Variants in GRIK1 observed in about 807,000 individuals in gnomAD.
GRIK1 encodes glutamate ionotropic receptor kainate type subunit 1, also known as glutamate receptor ionotropic, kainate 1.
In GRIK1, 69 loss-of-function variants were observed where a neutral mutation model predicts 105.7. The ratio of observed to expected loss-of-function variants is 0.65; its 90% CI spans 0.54 to 0.80. The LOEUF is 0.80. Ranked by LOEUF, GRIK1 falls within the 30% of genes least tolerant of loss-of-function variation. The pLI is 0.00. For missense variants in GRIK1, 1,109 were observed against 1,167.3 expected, an observed-to-expected ratio of 0.95 and a Z score of 0.73; for synonymous variants, 438 against 431.3, an observed-to-expected ratio of 1.02 and a Z score of -0.19.
At chr21:29,626,413 C>A (rs1601312241) in intron 7 of GRIK1, among the ~76,000 whole-genome samples, 1 of 152,082 alleles carries the variant, frequency 6.6e-6, no homozygotes, top group Non-Finnish European at 1.5e-5. Flanking sequence ...ACATTCAAAT[C>A]GTAACATCCA....
At chr21:29,606,855 C>T (rs762604727) in intron 7 of GRIK1, among the ~76,000 whole-genome samples, 14 of 152,050 alleles carry the variant, frequency 9.2e-5, no homozygotes, top group South Asian at 4.1e-4. Flanking sequence ...TGGCCAAGTC[C>T]GTCAGTCGAG....
chr21:29,826,870 A>G (rs1318255027), intron 1 of GRIK1, among the ~76,000 whole-genome samples: 1 of 152,120 alleles, frequency 6.6e-6, no homozygotes, highest in Non-Finnish European at 1.5e-5. Context: ...AAGTATCAAT[A>G]GAAGAATCAC....
intron 16 of GRIK1, among the ~76,000 whole-genome samples, 160 bp from the exon 17 acceptor site, chr21:29,538,044 A>G: frequency 6.6e-6 from 1 of 152,214 alleles, no homozygotes. Context: ...AAGAAAATGG[A>G]AAACGGAATT....
chr21:29,560,298 T>TCTTTCTTTCTTTCTTTC (rs2090366680), intron 15 of GRIK1, among the ~76,000 whole-genome samples: 2 of 99,552 alleles, frequency 2.0e-5, no homozygotes, highest in Non-Finnish European at 2.0e-5. Context: ...TTTCTTTCTT[T>TCTTTCTTTCTTTCTTTC]CTTTCTTTCT....
rs1230207427 is a variant in GRIK1, at chr21:29,537,314, C to T, written c.2766G>A (p.Lys922=). ...SLKNQKKIKK[K]SRTKGKSSFT... Reference sequence around the variant, plus strand: ...AGGAAGATTTCCCCTTAGTTCTTGACTTTTTCTTTATTTTTTTCTGATTCT... The same window carrying T: ...AGGAAGATTTCCCCTTAGTTCTTGATTTTTTCTTTATTTTTTTCTGATTCT... The change falls in exon 18 of 18, where the codon AAG becomes AAA. Residue 922 remains lysine, a synonymous_variant. Transcript: ENST00000327783. The T allele has an allele frequency of 6.2e-7, 1 of 1,611,154 alleles. No individual in the cohort carries two copies. Among genetic ancestry groups the T allele is most frequent in the South Asian group, 1.1e-5 (1 of 90,918 alleles).
chr21:29,707,559 T>G (rs549406313), intron 1 of GRIK1, among the ~76,000 whole-genome samples: 1 of 151,112 alleles, frequency 6.6e-6, no homozygotes, highest in Non-Finnish European at 1.5e-5. Flanking sequence ...GCAATGGCAC[T>G]ACCTCAGCTC....
At chr21:29,819,010 G>A (rs1316051607) in intron 1 of GRIK1, among the ~76,000 whole-genome samples, 1 of 151,998 alleles carries the variant, frequency 6.6e-6, no homozygotes, top group African/African-American at 2.4e-5. Context: ...ACCTAAATGG[G>A]TTCCTCCTAA....
intron 1 of GRIK1, among the ~76,000 whole-genome samples, chr21:29,786,330 A>C (rs1331613732): frequency 6.6e-6 from 1 of 152,208 alleles, no homozygotes; most frequent in Admixed American, 6.5e-5. Context: ...TTTACAGCTT[A>C]TTTGGAAAAT....
intron 7 of GRIK1, among the ~76,000 whole-genome samples, chr21:29,622,628 C>A (rs2062032304): frequency 6.6e-6 from 1 of 152,104 alleles, no homozygotes; most frequent in South Asian, 2.1e-4. Flanking sequence ...GGTATGCTAG[C>A]CTCCTAGGGG....
At chr21:29,580,485 C>T (rs1425753203) in intron 13 of GRIK1, among the ~76,000 whole-genome samples, 1 of 70,626 alleles carries the variant, frequency 1.4e-5, no homozygotes, top group African/African-American at 5.2e-5. Flanking sequence ...GGTATTTCCA[C>T]AGTCTCTCTC....
intron 1 of GRIK1, among the ~76,000 whole-genome samples, chr21:29,914,662 A>C (rs1403655141): frequency 1.3e-5 from 2 of 152,122 alleles, no homozygotes; most frequent in Non-Finnish European, 2.9e-5. Flanking sequence ...AAGTATGCTC[A>C]TACAACTTGT....
At chr21:29,910,163 T>C (rs963105136) in intron 1 of GRIK1, among the ~76,000 whole-genome samples, 1 of 152,160 alleles carries the variant, frequency 6.6e-6, no homozygotes, top group Non-Finnish European at 1.5e-5. Context: ...AATATATACA[T>C]TTACTATGTA....
At chr21:29,907,491 A>G (rs2070685045) in intron 1 of GRIK1, among the ~76,000 whole-genome samples, 1 of 152,164 alleles carries the variant, frequency 6.6e-6, no homozygotes, top group Non-Finnish European at 1.5e-5. Context: ...TGTATTTTGT[A>G]ATAATTATTT....
At position 29,702,240 on chromosome 21, in the gene GRIK1, C is replaced by T. The variant is rs567444022; in HGVS notation, c.119-8177G>A. On this transcript the variant is annotated intron_variant, in intron 1 of 17. Coordinates refer to ENST00000327783, the MANE Select transcript of GRIK1 (RefSeq NM_001330994.2). ...ATGAAATTATCTGCACAGCAACCCACCATGACACATATTTACCTATGTACA... is the reference window on the plus strand; with the variant it reads ...ATGAAATTATCTGCACAGCAACCCATCATGACACATATTTACCTATGTACA... Among the ~76,000 whole-genome samples the T allele has an allele frequency of 5.9e-5, 9 of 152,268 alleles. No homozygotes were observed. The East Asian group carries it at 1.5e-3, about 26-fold the overall frequency.
chr21:29,553,491 C>T (rs1301511647), intron 16 of GRIK1: 2 of 1,473,066 alleles, frequency 1.4e-6, no homozygotes, highest in Non-Finnish European at 1.8e-6. Flanking sequence ...ATACAAATAT[C>T]AACAACACCA....
At chr21:29,665,407 A>C (rs1405229424) in intron 4 of GRIK1, among the ~76,000 whole-genome samples, 1 of 152,258 alleles carries the variant, frequency 6.6e-6, no homozygotes, top group Non-Finnish European at 1.5e-5. Context: ...ATGTACCGCC[A>C]AAGTAATTAT....
chr21:29,572,550 C>T (rs55763364), intron 14 of GRIK1, among the ~76,000 whole-genome samples: 16,411 of 152,096 alleles, frequency 0.11, 2,046 homozygotes, highest in African/African-American at 0.31. Context: ...GCCTACTATA[C>T]GGCTGGGCAC....
chr21:29,909,901 GA>G (rs2070758326), intron 1 of GRIK1, among the ~76,000 whole-genome samples: 1 of 152,096 alleles, frequency 6.6e-6, no homozygotes, highest in African/African-American at 2.4e-5. Context: ...ACTCAGGGAT[GA>G]ATAATTTTAA....
intron 1 of GRIK1, among the ~76,000 whole-genome samples, chr21:29,831,584 G>A (rs989856693): frequency 3.5e-4 from 54 of 152,234 alleles, no homozygotes; most frequent in African/African-American, 1.3e-3. Context: ...AGAGAAGGAG[G>A]AGAGTGAAGG....
Sources: allele counts gnomAD v4.1 joint callset (sites outside exome capture counted in the v4.1 genomes callset), GRCh38; gene constraint gnomAD v4.1.1; transcripts MANE v1.5; gene names NCBI Gene and HGNC (gene_info 2026-07-23, HGNC 2026-07-21).